GPC6: variants seen among roughly 807,000 people sequenced by gnomAD.
GPC6 encodes glypican-6.
GPC6 carries 14 observed loss-of-function variants against 55.2 expected under a neutral mutation model. That is an observed-to-expected ratio of 0.25 (90% confidence interval 0.17 to 0.40). The LOEUF (loss-of-function observed/expected upper bound fraction) is 0.40, where lower values mean the gene tolerates loss of function less well. GPC6 is among the 10% of genes least tolerant of loss of function. The pLI is 1.00. For missense variants in GPC6, 641 were observed against 708.5 expected (o/e 0.90, Z 1.08); for synonymous variants, 278 against 259.6 (o/e 1.07, Z -0.68).
Position 93,536,391 on chromosome 13 carries a change from A to G in GPC6, c.161-8872A>G, listed in dbSNP as rs577251476. 2.0e-5 allele frequency among the ~76,000 whole-genome samples: 3 copies of G among 151,884 alleles called. No homozygotes were observed. In the South Asian group the frequency reaches 6.2e-4, roughly 32 times the overall value. ...TATAATCGTTTAACAGTAACTCTCC[A>G]TTTTCTCCTGCCCCCCAGCCCCAGG... On this transcript the variant is annotated intron_variant, in intron 1 of 8. Transcript: ENST00000377047.
intron 1 of GPC6, among the ~76,000 whole-genome samples, chr13:93,533,193 A>G (rs1311535856): frequency 6.6e-6 from 1 of 152,188 alleles, no homozygotes; most frequent in Admixed American, 6.5e-5. Flanking sequence ...ACTGGAACAT[A>G]CATTTTAAAA....
chr13:93,751,895 C>T (rs1566517462), intron 2 of GPC6, among the ~76,000 whole-genome samples: 2 of 152,088 alleles, frequency 1.3e-5, no homozygotes, highest in South Asian at 2.1e-4. Context: ...ATTTTGTTCT[C>T]TCACTTAAAT....
chr13:93,896,722 A>G (rs1188113662), intron 3 of GPC6, among the ~76,000 whole-genome samples: 1 of 152,086 alleles, frequency 6.6e-6, no homozygotes, highest in Non-Finnish European at 1.5e-5. Context: ...GAAACAAAAT[A>G]TATGTTTCCT....
intron 2 of GPC6, among the ~76,000 whole-genome samples, chr13:93,766,573 G>A (rs1353931645): frequency 6.6e-6 from 1 of 151,732 alleles, no homozygotes; most frequent in East Asian, 1.9e-4. Flanking sequence ...AATTTAAAAA[G>A]AGTATTGATA....
At chr13:93,512,834 T>A (rs887123681) in intron 1 of GPC6, among the ~76,000 whole-genome samples, 1 of 152,112 alleles carries the variant, frequency 6.6e-6, no homozygotes, top group African/African-American at 2.4e-5. Context: ...AACAATAATA[T>A]GCTAAAAGGA....
intron 3 of GPC6, among the ~76,000 whole-genome samples, chr13:93,921,769 C>T (rs547912386): frequency 6.6e-6 from 1 of 151,676 alleles, no homozygotes; most frequent in East Asian, 2.0e-4. Context: ...ATGCCTGTTT[C>T]CATTTAGAGC....
At chr13:93,337,698 C>T (rs547015297) in intron 1 of GPC6, among the ~76,000 whole-genome samples, 3 of 152,282 alleles carry the variant, frequency 2.0e-5, no homozygotes, top group South Asian at 4.1e-4. Flanking sequence ...AGCACACAAA[C>T]GGAATGCCTG....
chr13:93,628,696 C>G (rs189732995), intron 2 of GPC6, among the ~76,000 whole-genome samples: 86 of 152,170 alleles, frequency 5.7e-4, no homozygotes, highest in Middle Eastern at 3.4e-3. Flanking sequence ...TGTCTCCATG[C>G]CTTCCCCAGG....
At chr13:93,326,269 T>C (rs911672873) in intron 1 of GPC6, among the ~76,000 whole-genome samples, 1 of 152,122 alleles carries the variant, frequency 6.6e-6, no homozygotes, top group Non-Finnish European at 1.5e-5. Flanking sequence ...CATTGGACTA[T>C]CTGGGCAATC....
chr13:94,276,172 T>G (rs189020077), intron 4 of GPC6, among the ~76,000 whole-genome samples: 3 of 152,302 alleles, frequency 2.0e-5, no homozygotes, highest in South Asian at 2.1e-4. Flanking sequence ...CCCTAGGACA[T>G]GTTGAGTAGT....
chr13:94,254,151 C>T (rs748078377), intron 4 of GPC6, among the ~76,000 whole-genome samples: 9 of 152,052 alleles, frequency 5.9e-5, no homozygotes, highest in African/African-American at 1.9e-4. Flanking sequence ...TAAAATGTAT[C>T]GAGTCATATT....
chr13:93,904,502 A>G (rs2140329956), intron 3 of GPC6, among the ~76,000 whole-genome samples: 1 of 152,284 alleles, frequency 6.6e-6, no homozygotes, highest in East Asian at 1.9e-4. Context: ...TTTTATTTTT[A>G]GAGCAGTCCA....
intron 1 of GPC6, among the ~76,000 whole-genome samples, chr13:93,538,482 G>A (rs1882152194): frequency 6.6e-6 from 1 of 152,162 alleles, no homozygotes; most frequent in African/African-American, 2.4e-5. Context: ...GAGACAGCAA[G>A]ATAATTTAAA....
chr13:93,285,598 A>G (rs1878084749), intron 1 of GPC6, among the ~76,000 whole-genome samples: 1 of 144,898 alleles, frequency 6.9e-6, no homozygotes. Context: ...CCTGGGATGT[A>G]TGTGTATGTA....
At chr13:94,320,346 T>C (rs1349561147) in intron 6 of GPC6, among the ~76,000 whole-genome samples, 1 of 152,216 alleles carries the variant, frequency 6.6e-6, no homozygotes, top group Non-Finnish European at 1.5e-5. Context: ...TATTCTAATA[T>C]CTGAAGAGTT....
At position 94,145,238 on chromosome 13, in the gene GPC6, T is replaced by C. The variant is rs183564828; in HGVS notation, c.877+117344T>C. Among the ~76,000 whole-genome samples the C allele has an allele frequency of 1.9e-3, 290 of 152,200 alleles. 1 individual carries two copies. The highest frequency in any genetic ancestry group is 7.3e-3 in the South Asian group (35 of 4,826). ...CTATACTTGGCCATTTACCTAACAT[T>C]CTATATAAAGCACCTTCTACATGGT... is the stretch of plus-strand genomic sequence containing the variant. On this transcript the variant is annotated intron_variant, in intron 4 of 8. Transcript: ENST00000377047.
At chr13:93,439,693 A>ATG (rs1566358051) in intron 1 of GPC6, among the ~76,000 whole-genome samples, 80 of 149,388 alleles carry the variant, frequency 5.4e-4, no homozygotes, top group African/African-American at 1.9e-3. Flanking sequence ...AAATAAATAA[A>ATG]AAAAATAAAA....
At chr13:93,957,169 G>A (rs557404098) in intron 3 of GPC6, among the ~76,000 whole-genome samples, 14 of 152,148 alleles carry the variant, frequency 9.2e-5, no homozygotes, top group Non-Finnish European at 1.6e-4. Context: ...ATCTGTAATA[G>A]TAAATAGTCA....
chr13:94,303,344 C>G (rs1371426442), intron 5 of GPC6, among the ~76,000 whole-genome samples: 1 of 152,168 alleles, frequency 6.6e-6, no homozygotes, highest in Admixed American at 6.5e-5. Context: ...GCTCTCTTTA[C>G]TACCTGATCG....
Sources: gnomAD v4.1 joint callset for allele counts (sites outside exome capture counted in the v4.1 genomes callset) on GRCh38, gnomAD v4.1.1 for gene constraint, MANE v1.5 for transcripts, NCBI Gene and HGNC (gene_info 2026-07-23, HGNC 2026-07-21) for gene names.